The following PTPRM variants were observed in gnomAD, a reference collection of about 807,000 sequenced individuals.
PTPRM encodes the protein protein tyrosine phosphatase receptor type M.
In PTPRM, 47 loss-of-function variants were observed where a neutral mutation model predicts 186.7. The observed-to-expected ratio is 0.25, with a 90% CI of 0.20 to 0.32. The LOEUF is 0.32. PTPRM is among the 10% of genes least tolerant of loss of function. The probability of loss-of-function intolerance (pLI) is 1.00; values close to 1 mark genes in which losing one functional copy is unlikely to be tolerated. For synonymous variants in PTPRM, 668 were observed against 674.9 expected (o/e 0.99, Z 0.16); for missense variants, 1,494 against 1,865.0 (o/e 0.80, Z 3.66).
At chr18:8,106,637 C>A (rs560338098) in intron 11 of PTPRM, among the ~76,000 whole-genome samples, 1 of 152,156 alleles carries the variant, frequency 6.6e-6, no homozygotes, top group African/African-American at 2.4e-5. Flanking sequence ...TTTTATTCTT[C>A]CCCTGTGCCT....
chr18:8,088,524 C>G (rs542819054), intron 10 of PTPRM, among the ~76,000 whole-genome samples: 2 of 152,160 alleles, frequency 1.3e-5, no homozygotes, highest in Non-Finnish European at 2.9e-5. Flanking sequence ...CATACCATCT[C>G]CCAACTTCAA....
At chr18:8,307,633 G>A (rs1173286314) in intron 20 of PTPRM, among the ~76,000 whole-genome samples, 2 of 151,982 alleles carry the variant, frequency 1.3e-5, no homozygotes, top group South Asian at 2.1e-4. Context: ...GTGAAACCCC[G>A]TCTCTACTGA....
intron 2 of PTPRM, among the ~76,000 whole-genome samples, chr18:7,811,532 A>AT (rs2044516688): frequency 6.6e-6 from 1 of 151,932 alleles, no homozygotes; most frequent in African/African-American, 2.4e-5. Flanking sequence ...TCATTTTTTT[A>AT]TTTTTTTATT....
At chr18:8,294,243 C>T (rs1383101453) in intron 19 of PTPRM, among the ~76,000 whole-genome samples, 1 of 152,086 alleles carries the variant, frequency 6.6e-6, no homozygotes, top group Admixed American at 6.5e-5. Context: ...CAGGGTGAGA[C>T]TCTGTCTCAA....
chr18:8,399,826 G>C lies in PTPRM; in HGVS notation c.4344+5215G>C, dbSNP rs922234062. On this transcript the variant is annotated intron_variant, in intron 32 of 32. Transcript: ENST00000580170. ...GGGCTCTCAGGGTTCATGATGTGTGGAAAAGGTAAGGGAAAAAAATCGACA... is the reference window on the plus strand; with the variant it reads ...GGGCTCTCAGGGTTCATGATGTGTGCAAAAGGTAAGGGAAAAAAATCGACA... The C allele has an allele frequency of 8.5e-5, 13 of 152,172 alleles. 1 individual carries two copies. Among genetic ancestry groups the C allele is most frequent in the Non-Finnish European group, 1.9e-4 (13 of 68,048 alleles). 9.4% of individuals were successfully genotyped at this position (152,172 alleles called of 1,614,324 possible).
rs561596312 is a variant in PTPRM at position 7,694,784 on chromosome 18, G to A, written c.74-79365G>A. Among the ~76,000 whole-genome samples, 4 of 152,228 alleles carry A rather than the reference G, an allele frequency of 2.6e-5. No individual in the cohort carries two copies. The South Asian group carries it at 8.3e-4, about 32-fold the overall frequency. Reference sequence around the variant, plus strand: ...TAGAAGGACCAAGATATAAGAATGGGTGAATGTATTCATGAAACATTTATA... The same window carrying A: ...TAGAAGGACCAAGATATAAGAATGGATGAATGTATTCATGAAACATTTATA... On this transcript the variant is annotated intron_variant, in intron 1 of 32. Transcript: ENST00000580170.
intron 14 of PTPRM, 29 bp downstream of exon 14, chr18:8,143,808 A>T (rs753156486): frequency 6.2e-7 from 1 of 1,610,362 alleles, no homozygotes; most frequent in East Asian, 2.2e-5. Context: ...CCAAAGATAC[A>T]GTTATATCCC....
At chr18:8,151,946 A>G (rs890461446) in intron 14 of PTPRM, among the ~76,000 whole-genome samples, 4 of 151,950 alleles carry the variant, frequency 2.6e-5, no homozygotes, top group Admixed American at 6.6e-5. Context: ...GGGTGAGATG[A>G]CACCCCACCC....
intron 1 of PTPRM, among the ~76,000 whole-genome samples, chr18:7,644,898 C>T (rs558424061): frequency 2.0e-5 from 3 of 152,160 alleles, no homozygotes; most frequent in Admixed American, 6.5e-5. Flanking sequence ...CATTTTGAAA[C>T]GATGATCTTT....
At chr18:8,180,263 A>C (rs1235685917) in intron 14 of PTPRM, among the ~76,000 whole-genome samples, 1 of 152,238 alleles carries the variant, frequency 6.6e-6, no homozygotes, top group African/African-American at 2.4e-5. Context: ...GAATATATCC[A>C]AGTCATGCAG....
intron 1 of PTPRM, among the ~76,000 whole-genome samples, chr18:7,632,025 T>G (rs893552565): frequency 5.9e-5 from 9 of 152,220 alleles, no homozygotes; most frequent in African/African-American, 2.2e-4. Flanking sequence ...CAGATAGAAC[T>G]GTGATATAGT....
chr18:8,080,019 G>C (rs548653044), intron 9 of PTPRM, among the ~76,000 whole-genome samples: 1 of 152,290 alleles, frequency 6.6e-6, no homozygotes, highest in East Asian at 1.9e-4. Context: ...ATATGGTAAA[G>C]TACCTACCCA....
At chr18:7,664,419 C>T (rs1005304625) in intron 1 of PTPRM, among the ~76,000 whole-genome samples, 2 of 152,210 alleles carry the variant, frequency 1.3e-5, no homozygotes, top group Non-Finnish European at 2.9e-5. Flanking sequence ...TGAGCATAAG[C>T]CCTTGTGAGC....
At position 8,160,139 on chromosome 18, in the gene PTPRM, T is replaced by C. The variant is rs2093201977; in HGVS notation, c.2300+16360T>C. On this transcript the variant is annotated intron_variant, in intron 14 of 32. Transcript: ENST00000580170. The stretch of plus-strand genomic sequence containing the variant: ...TTATTTTTAAGCCACCTTTGAAATA[T>C]TTTTTATAAATCGTGTATTCCATTG... 2.0e-5 allele frequency among the ~76,000 whole-genome samples: 3 copies of C among 152,284 alleles called. No homozygotes were observed. In the South Asian group the frequency reaches 6.2e-4, roughly 32 times the overall value.
intron 14 of PTPRM, among the ~76,000 whole-genome samples, chr18:8,202,999 C>A (rs781397574): frequency 6.6e-6 from 1 of 152,030 alleles, no homozygotes; most frequent in African/African-American, 2.4e-5. Context: ...TTCATCACCC[C>A]GAAAAATGAG....
chr18:8,110,248 C>T (rs1381214051), intron 11 of PTPRM, among the ~76,000 whole-genome samples: 1 of 152,100 alleles, frequency 6.6e-6, no homozygotes, highest in Non-Finnish European at 1.5e-5. Flanking sequence ...TAAAAGGACA[C>T]AAAATGACTA....
intron 4 of PTPRM, among the ~76,000 whole-genome samples, chr18:7,907,194 T>TA: frequency 6.6e-6 from 1 of 152,192 alleles, no homozygotes. Context: ...TTTCCTTAAA[T>TA]AAAATAGTAC....
chr18:7,827,578 T>C (rs2145682458), intron 2 of PTPRM, among the ~76,000 whole-genome samples: 1 of 152,336 alleles, frequency 6.6e-6, no homozygotes, highest in South Asian at 2.1e-4. Flanking sequence ...CATCTTTCTG[T>C]GAGAGCCTTC....
chr18:8,166,966 A>G (rs1444706985), intron 14 of PTPRM, among the ~76,000 whole-genome samples: 2 of 152,314 alleles, frequency 1.3e-5, no homozygotes, highest in East Asian at 3.9e-4. Context: ...TTGAATTATT[A>G]TGATACTCAT....
Sources: gnomAD v4.1 joint callset for allele counts (sites outside exome capture counted in the v4.1 genomes callset) on GRCh38, gnomAD v4.1.1 for gene constraint, MANE v1.5 for transcripts, NCBI Gene and HGNC (gene_info 2026-07-23, HGNC 2026-07-21) for gene names.